The following MBOAT1 variants were observed in gnomAD, a reference collection of about 807,000 sequenced individuals.
The protein encoded by MBOAT1 is membrane bound glycerophospholipid O-acyltransferase 1.
MBOAT1 carries 67 observed loss-of-function variants against 64.4 expected under a neutral mutation model. The ratio of observed to expected loss-of-function variants is 1.04; its 90% confidence interval spans 0.85 to 1.27. The LOEUF (loss-of-function observed/expected upper bound fraction) is 1.27, where lower values mean the gene tolerates loss of function less well. MBOAT1 is among the 50% of genes most tolerant of loss of function. The pLI is 0.00. For synonymous variants in MBOAT1, 229 were observed against 218.9 expected (o/e 1.05, Z -0.41); for missense variants, 563 against 604.6 (o/e 0.93, Z 0.72).
At chr6:20,150,683 G>A (rs1581425308) in intron 3 of MBOAT1, among the ~76,000 whole-genome samples, 2 of 148,608 alleles carry the variant, frequency 1.3e-5, no homozygotes, top group South Asian at 4.3e-4. Flanking sequence ...CTGCCTCAGC[G>A]TCCCTGAGTA....
At chr6:20,146,182 T>C (rs901937845) in intron 3 of MBOAT1, among the ~76,000 whole-genome samples, 3 of 152,148 alleles carry the variant, frequency 2.0e-5, no homozygotes, top group Non-Finnish European at 2.9e-5. Context: ...ATATATGCCA[T>C]AAAACAGGGA....
chr6:20,153,207 T>C (rs1761580029), intron 1 of MBOAT1, among the ~76,000 whole-genome samples: 1 of 152,134 alleles, frequency 6.6e-6, no homozygotes, highest in South Asian at 2.1e-4. Flanking sequence ...CCCCAATAGA[T>C]TGTTTGGAAG....
chr6:20,198,230 A>G (rs1269146775), intron 1 of MBOAT1, among the ~76,000 whole-genome samples: 1 of 148,478 alleles, frequency 6.7e-6, no homozygotes, highest in Non-Finnish European at 1.5e-5. Context: ...TGTGTCTCAA[A>G]AAAAAAAAAA....
chr6:20,127,769 A>C (rs1186923250), intron 6 of MBOAT1, among the ~76,000 whole-genome samples: 6 of 152,108 alleles, frequency 3.9e-5, no homozygotes, highest in South Asian at 2.1e-4. Flanking sequence ...ATATATTACG[A>C]TGTAATAACA....
In MBOAT1 at chr6:20,194,591, G is replaced by A. The variant is rs80235201; in HGVS notation, c.99+17545C>T. Among the ~76,000 whole-genome samples the A allele has an allele frequency of 3.2e-3, 489 of 152,196 alleles. 4 individuals are homozygous for A. The highest frequency in any genetic ancestry group is 0.01 in the African/African-American group (430 of 41,504). ...GCCATTTTCACCACATCATATTAAG[G>A]GTAACACACTATCCACAGAGCTACC... is the stretch of plus-strand genomic sequence containing the variant. On this transcript the variant is annotated intron_variant, in intron 1 of 12. Transcript: ENST00000324607.
chr6:20,171,406 AG>A lies in MBOAT1; in HGVS notation c.100-18638del, dbSNP rs1561774691. 4.1e-5 allele frequency among the ~76,000 whole-genome samples: 6 copies of A among 146,380 alleles called. No homozygotes were observed. The South Asian group carries it at 1.1e-3, about 27-fold the overall frequency. ...TTAAAAAAAAAAAAAAAAAAAAACT[AG>A]CCGGGCATGGTGATGCACACCTGTA... On this transcript the variant is annotated intron_variant, in intron 1 of 12. Transcript: ENST00000324607.
chr6:20,116,456 A>C (rs2472768), intron 9 of MBOAT1, among the ~76,000 whole-genome samples: 113,736 of 152,076 alleles, frequency 0.75, 42,707 homozygotes, highest in East Asian at 0.85. Flanking sequence ...GTAAGAAAAT[A>C]ATATATAGGC....
chr6:20,115,244 T>C, intron 10 of MBOAT1, 44 bp downstream of exon 10: 1 of 1,455,108 alleles, frequency 6.9e-7, no homozygotes, highest in Non-Finnish European at 9.7e-7. Context: ...CCTCTGAACA[T>C]ATCCCAGTGC....
chr6:20,179,795 T>C (rs1156257952), intron 1 of MBOAT1, among the ~76,000 whole-genome samples: 1 of 152,222 alleles, frequency 6.6e-6, no homozygotes. Flanking sequence ...AAAGTGCTCC[T>C]TTTTCTCCAC....
intron 3 of MBOAT1, among the ~76,000 whole-genome samples, chr6:20,147,028 G>C (rs1761345404): frequency 1.3e-5 from 2 of 152,198 alleles, no homozygotes; most frequent in South Asian, 4.1e-4. Context: ...TCTCGTGATA[G>C]TGAGTAAGTC....
chr6:20,211,936 G>A (rs1763433409), intron 1 of MBOAT1, among the ~76,000 whole-genome samples, 200 bp downstream of exon 1: 1 of 150,142 alleles, frequency 6.7e-6, no homozygotes, highest in Non-Finnish European at 1.5e-5. Flanking sequence ...CACTTACAAG[G>A]AGAAAAACAC....
chr6:20,196,052 T>G (rs1295441176), intron 1 of MBOAT1, among the ~76,000 whole-genome samples: 1 of 152,218 alleles, frequency 6.6e-6, no homozygotes, highest in Non-Finnish European at 1.5e-5. Context: ...AGATGTGTTC[T>G]TATTTGGGCC....
chr6:20,186,858 A>G (rs1260669058), intron 1 of MBOAT1, among the ~76,000 whole-genome samples: 2 of 152,234 alleles, frequency 1.3e-5, no homozygotes, highest in Non-Finnish European at 2.9e-5. Flanking sequence ...CAGGTTCTAC[A>G]CTCTGACATG....
intron 1 of MBOAT1, among the ~76,000 whole-genome samples, chr6:20,194,687 T>C (rs1270953227): frequency 3.9e-5 from 6 of 152,182 alleles, no homozygotes; most frequent in African/African-American, 1.2e-4. Context: ...AAAGTTATTC[T>C]CCCCACTCCC....
At chr6:20,173,889 T>C (rs569789309) in intron 1 of MBOAT1, among the ~76,000 whole-genome samples, 8 of 152,282 alleles carry the variant, frequency 5.3e-5, no homozygotes, top group Middle Eastern at 3.4e-3. Flanking sequence ...AGGTAGAAGT[T>C]GCAGTGGCCG....
At chr6:20,200,848 T>G (rs1763101589) in intron 1 of MBOAT1, among the ~76,000 whole-genome samples, 1 of 152,164 alleles carries the variant, frequency 6.6e-6, no homozygotes, top group Admixed American at 6.5e-5. Context: ...AGGGTGTATG[T>G]CCGCTGCTTG....
intron 1 of MBOAT1, among the ~76,000 whole-genome samples, chr6:20,185,584 C>A (rs1225891848): frequency 6.6e-6 from 1 of 152,212 alleles, no homozygotes; most frequent in Non-Finnish European, 1.5e-5. Flanking sequence ...CCTCCATAAT[C>A]TTTCGCTCTC....
At chr6:20,108,820 G>A (rs894452419) in intron 12 of MBOAT1, among the ~76,000 whole-genome samples, 5 of 152,110 alleles carry the variant, frequency 3.3e-5, no homozygotes, top group Admixed American at 1.3e-4. Flanking sequence ...TACTAAAGAC[G>A]GTGCTCTGAG....
chr6:20,131,105 G>A (rs1409344018), intron 5 of MBOAT1, 39 bp downstream of exon 5: 13 of 1,558,932 alleles, frequency 8.3e-6, no homozygotes, highest in Non-Finnish European at 1.2e-5. Context: ...TGCATGTCAG[G>A]CTCACTCTGA....
Sources: gnomAD v4.1 joint callset for allele counts (sites outside exome capture counted in the v4.1 genomes callset) on GRCh38, gnomAD v4.1.1 for gene constraint, MANE v1.5 for transcripts, NCBI Gene and HGNC (gene_info 2026-07-23, HGNC 2026-07-21) for gene names.